Variants in ZAN observed in about 807,000 individuals in gnomAD.
ZAN encodes zonadhesin.
A neutral mutation model predicts 286.2 loss-of-function variants in ZAN; 260 were observed. The observed-to-expected ratio is 0.91, with a 90% confidence interval of 0.82 to 1.01. ZAN has a LOEUF of 1.01. Among genes scored for constraint, ZAN ranks in the 50% least tolerant of loss-of-function variants. The probability of loss-of-function intolerance (pLI) is 0.00; values close to 1 mark genes in which losing one functional copy is unlikely to be tolerated. For missense variants in ZAN, 3,410 were observed against 3,639.2 expected, an observed-to-expected ratio of 0.94 and a Z score of 1.62; for synonymous variants, 1,368 against 1,417.5, an observed-to-expected ratio of 0.97 and a Z score of 0.79.
intron 37 of ZAN, among the ~76,000 whole-genome samples, chr7:100,786,474 A>G (rs1416983331): frequency 1.3e-5 from 2 of 152,178 alleles, no homozygotes; most frequent in East Asian, 3.9e-4. Flanking sequence ...TGGCACCATC[A>G]TATAGCTAGC....
rs1231793039 is a variant in ZAN, at chr7:100,736,588, C to T, written c.212C>T (p.Pro71Leu). ...TGGGTTCGAGCCAGTGGGCCCTCTC[C>T]CACCGGCTCCACCGGGGCCCCCGGG... is the stretch of plus-strand genomic sequence containing the variant. Reference protein sequence around the residue: ...EDWVRASGPSPTGSTGAPGGY... With the variant: ...EDWVRASGPSLTGSTGAPGGY... The change falls in exon 4 of 48, where the codon CCC (proline) becomes CTC (leucine). Residue 71 changes from proline (P) to leucine (L), a missense_variant. Pro to Leu is a moderately conservative substitution (Grantham distance 98). Transcript: ENST00000613979. 3.9e-6 allele frequency: 6 copies of T among 1,522,996 alleles called. No homozygotes were observed. The highest frequency in any genetic ancestry group is 1.1e-5 in the South Asian group (1 of 88,840). 94.3% of individuals were successfully genotyped at this position (1,522,996 alleles called of 1,614,324 possible).
intron 20 of ZAN, 59 bp downstream of exon 20, chr7:100,762,417 CTCTTTT>C (rs1809660895): frequency 2.5e-5 from 27 of 1,063,440 alleles, no homozygotes; most frequent in Non-Finnish European, 2.5e-5. Flanking sequence ...TCCTGGAACT[CTCTTTT>C]TTTTTTTTTT....
At position 100,736,935 on chromosome 7, in the gene ZAN, C is replaced by T; in HGVS notation, c.380C>T (p.Ser127Phe). 1 of 1,501,076 alleles carries T rather than the reference C, an allele frequency of 6.7e-7. No homozygotes were observed. Among genetic ancestry groups the T allele is most frequent in the Non-Finnish European group, 9.1e-7 (1 of 1,096,938 alleles). 93.0% of individuals were successfully genotyped at this position (1,501,076 alleles called of 1,614,324 possible). Residue 127 changes from serine (S) to phenylalanine (F), a missense_variant, in exon 5 of 48, where the codon TCT becomes TTT. Physicochemically the swap from Ser to Phe is radical, Grantham distance 155 (BLOSUM62 -2). This residue lies in a region of ZAN where 872 missense variants were observed against 938.9 expected (regional missense o/e 0.93). Coordinates refer to ENST00000613979, the MANE Select transcript of ZAN (RefSeq NM_003386.3). ...VHFAHHMFGL[S>F]WGAQLRLLLL... ...TTTGCCCACCACATGTTCGGGCTGT[C>T]TTGGGGCGCCCAGCTCAGGCTGCTG...
At chr7:100,795,453 T>A in intron 45 of ZAN, 117 bp downstream of exon 45, 1 of 1,010,874 alleles carries the variant, frequency 9.9e-7, no homozygotes, top group Non-Finnish European at 1.3e-6. Flanking sequence ...AATATTATGT[T>A]ACAGATATTA....
rs373292469 is a variant in ZAN at position 100,786,067 on chromosome 7, G to A, written c.6905G>A (p.Gly2302Glu). ...CVCTGGAIQC[G>E]DFRCPSGSHC... is the part of the protein sequence containing the mutation. Reference sequence around the variant, plus strand: ...TGCACGGGAGGAGCCATTCAGTGCGGGGACTTCCGATGCCCCTCTGGGTCC... The same window carrying A: ...TGCACGGGAGGAGCCATTCAGTGCGAGGACTTCCGATGCCCCTCTGGGTCC... The change falls in exon 37 of 48, where the codon GGG becomes GAG. Residue 2302 changes from glycine to glutamate, a missense_variant. By Grantham distance (98) the Gly-to-Glu change is moderately conservative (BLOSUM62 -2). This residue lies in a region of ZAN where 1,289 missense variants were observed against 1,314.3 expected (regional missense o/e 0.98). Transcript: ENST00000613979. The A allele has an allele frequency of 1.2e-6, 2 of 1,614,002 alleles. No individual in the cohort carries two copies.
chr7:100,736,894 C>A lies in ZAN; in HGVS notation c.339C>A (p.Gly113=), dbSNP rs1310565773. The change falls in exon 5 of 48, where the codon GGC becomes GGA. Residue 113 remains glycine, a synonymous_variant. Coordinates refer to ENST00000613979, the MANE Select transcript of ZAN (RefSeq NM_003386.3). ...RLLSPDLWEQ[G]PLCVHFAHHM... The stretch of plus-strand genomic sequence containing the variant: ...TCAGCCCCGACCTATGGGAGCAAGG[C>A]CCCCTCTGTGTGCACTTTGCCCACC... 1.3e-6 allele frequency: 2 copies of A among 1,488,856 alleles called. No individual in the cohort carries two copies. Among genetic ancestry groups the A allele is most frequent in the African/African-American group, 1.4e-5 (1 of 70,672 alleles). 92.2% of individuals were successfully genotyped at this position (1,488,856 alleles called of 1,614,324 possible).
At position 100,737,921 on chromosome 7, in the gene ZAN, A is replaced by G. The variant is rs546365919; in HGVS notation, c.614-540A>G. Reference sequence around the variant, plus strand: ...GTTTGAGATCAGCCTGGGCAACATAAGGAGACCCCCATCTCTACAAAAGAA... The same window carrying G: ...GTTTGAGATCAGCCTGGGCAACATAGGGAGACCCCCATCTCTACAAAAGAA... On this transcript the variant is annotated intron_variant, in intron 6 of 47. Coordinates refer to ENST00000613979, the MANE Select transcript of ZAN (RefSeq NM_003386.3). 5.7e-5 allele frequency among the ~76,000 whole-genome samples: 8 copies of G among 139,860 alleles called. 1 individual carries two copies. The South Asian group carries it at 1.6e-3, about 27-fold the overall frequency. 91.8% of individuals were successfully genotyped at this position (139,860 alleles called of 152,430 possible).
In ZAN at chr7:100,766,628, G is replaced by A; in HGVS notation, c.4574G>A (p.Cys1525Tyr). 1.9e-6 allele frequency: 3 copies of A among 1,563,488 alleles called. No individual in the cohort carries two copies. The South Asian group carries it at 3.5e-5, about 18-fold the overall frequency. The stretch of plus-strand genomic sequence containing the variant: ...TGGAGGTGTAGGGCCCAGGAGTTCT[G>A]TGGCCAACAGGATGGTATCTATGGC... Reference protein sequence around the residue: ...QPWRCRAQEFCGQQDGIYGCH... With the variant: ...QPWRCRAQEFYGQQDGIYGCH... The change falls in exon 24 of 48, where the codon TGT becomes TAT. Residue 1525 changes from cysteine to tyrosine, a missense_variant. Around this residue, in one of 7 missense-constraint regions of ZAN, gnomAD observed 1,042 missense variants for 1,058.0 expected, o/e 0.98. Transcript: ENST00000613979.
intron 41 of ZAN, 98 bp downstream of exon 41, chr7:100,792,246 G>T: frequency 6.7e-7 from 1 of 1,496,710 alleles, no homozygotes; most frequent in Non-Finnish European, 8.9e-7. Flanking sequence ...GCTCTGTGTG[G>T]TTCACTCCTC....
In ZAN at chr7:100,762,377, C is replaced by T; in HGVS notation, c.3986+19C>T. 6.3e-7 allele frequency: 1 copy of T among 1,593,770 alleles called. No individual in the cohort carries two copies. The highest frequency in any genetic ancestry group is 8.6e-7 in the Non-Finnish European group (1 of 1,168,942). The stretch of plus-strand genomic sequence containing the variant: ...ACCAGGAGTGAGCAAGGAGCCCTCC[C>T]ACCGGGGCCCTGGGAAGGTTCCGTC... On this transcript the variant is annotated intron_variant, in intron 20 of 47. Transcript: ENST00000613979.
rs1430570028 is a variant in ZAN, at chr7:100,751,249, A to G, written c.1589A>G (p.Asn530Ser). The part of the protein sequence containing the change: ...SVVAMGFILI[N>S]PGTCPVKVLP... ...GTTGCTATGGGTTTCATCTTGATCAATCCTGGGACTTGTCCAGGTAAGACC... is the reference window on the plus strand; with the variant it reads ...GTTGCTATGGGTTTCATCTTGATCAGTCCTGGGACTTGTCCAGGTAAGACC... The change falls in exon 13 of 48, where the codon AAT becomes AGT. Residue 530 changes from asparagine to serine, a missense_variant. By Grantham distance (46) the Asn-to-Ser change is conservative. Around this residue, in one of 7 missense-constraint regions of ZAN, gnomAD observed 872 missense variants for 938.9 expected, o/e 0.93. Coordinates refer to ENST00000613979, the MANE Select transcript of ZAN (RefSeq NM_003386.3). The G allele has an allele frequency of 1.2e-6, 2 of 1,604,580 alleles. No individual in the cohort carries two copies. Among genetic ancestry groups the G allele is most frequent in the Non-Finnish European group, 1.7e-6 (2 of 1,175,850 alleles).
At chr7:100,774,650 C>T (rs1179086952) in intron 31 of ZAN, among the ~76,000 whole-genome samples, 1 of 151,702 alleles carries the variant, frequency 6.6e-6, no homozygotes, top group African/African-American at 2.4e-5. Context: ...AGAACAAGAC[C>T]CTGTCTCTAA....
At chr7:100,793,736 C>G in intron 42 of ZAN, 84 bp from the exon 43 acceptor site, 3 of 1,437,084 alleles carry the variant, frequency 2.1e-6, no homozygotes, top group South Asian at 2.7e-5. Context: ...CTGTGCCCAG[C>G]CTACTCTGAG....
rs1562907855 is a variant in ZAN, at chr7:100,735,768, C to A, written c.102C>A (p.Asp34Glu). The A allele has an allele frequency of 6.7e-7, 1 of 1,501,262 alleles. No homozygotes were observed. The highest frequency in any genetic ancestry group is 2.3e-5 in the East Asian group (1 of 43,258). 93.0% of individuals were successfully genotyped at this position (1,501,262 alleles called of 1,614,324 possible). A position where few individuals can be genotyped will look rare whatever the true frequency, so the allele number is the denominator to read the frequency against. Residue 34 changes from aspartate (D) to glutamate (E), a missense_variant, in exon 3 of 48, where the codon GAC (aspartate) becomes GAA (glutamate). Physicochemically the swap from Asp to Glu is conservative, Grantham distance 45 (BLOSUM62 2). Around this residue, in one of 7 missense-constraint regions of ZAN, gnomAD observed 872 missense variants for 938.9 expected, o/e 0.93. Transcript: ENST00000613979. ...DQKLVVRSSR[D>E]NYVLTQCDFE... ...AGCTGGTTGTTCGCAGCTCTAGGGA[C>A]AACTGTGAGTTGGAAACCAGGAGTG...
chr7:100,750,337 A>G (rs1377489328), intron 11 of ZAN, among the ~76,000 whole-genome samples: 2 of 151,928 alleles, frequency 1.3e-5, no homozygotes, highest in African/African-American at 2.4e-5. Context: ...GGGTTTCACC[A>G]TGTTGGCCAG....
Position 100,752,577 on chromosome 7 carries a change from C to T in ZAN, c.2472C>T (p.Leu824=). The change falls in exon 14 of 48, where the codon CTC becomes CTT. Residue 824 remains leucine, a synonymous_variant. Coordinates refer to ENST00000613979, the MANE Select transcript of ZAN (RefSeq NM_003386.3). ...KPSIPMEKPT[L]PTEETTTSVE... is the part of the protein sequence containing the mutation. ...GCATCCCCATGGAAAAACCCACTCT[C>T]CCCACTGAAGAAACCACCACCTCTG... 2 of 1,613,222 alleles carry T rather than the reference C, an allele frequency of 1.2e-6. No individual in the cohort carries two copies. The highest frequency in any genetic ancestry group is 1.7e-6 in the Non-Finnish European group (2 of 1,179,760).
intron 28 of ZAN, 59 bp from the exon 29 acceptor site, chr7:100,771,785 C>T (rs1362905784): frequency 1.0e-5 from 16 of 1,544,884 alleles, no homozygotes; most frequent in Non-Finnish European, 1.1e-5. Context: ...AGGGAAGCCA[C>T]ATGGCCCTGT....
intron 38 of ZAN, 39 bp from the exon 39 acceptor site, chr7:100,789,179 G>A (rs770326823): frequency 1.3e-6 from 2 of 1,599,122 alleles, no homozygotes; most frequent in Admixed American, 3.4e-5. Flanking sequence ...AGGTCAGGAG[G>A]ATTCAGCCCT....
At chr7:100,765,099 G>A (rs1809861423) in intron 22 of ZAN, among the ~76,000 whole-genome samples, 2 of 152,216 alleles carry the variant, frequency 1.3e-5, no homozygotes, top group South Asian at 4.1e-4. Context: ...CTACACAGCA[G>A]CGCTGCCAGT....
Sources: allele counts gnomAD v4.1 joint callset (sites outside exome capture counted in the v4.1 genomes callset), GRCh38; gene constraint gnomAD v4.1.1; regional missense constraint gnomAD v4.1.1; transcripts MANE v1.5; gene names NCBI Gene and HGNC (gene_info 2026-07-23, HGNC 2026-07-21).